CTNNA3: variants seen among roughly 807,000 people sequenced by gnomAD.
CTNNA3 encodes the protein catenin alpha-3.
A neutral mutation model predicts 95.7 loss-of-function variants in CTNNA3; 76 were observed. That is an observed-to-expected ratio of 0.79 (90% CI 0.66 to 0.96). The LOEUF is 0.96. CTNNA3 is among the 40% of genes least tolerant of loss of function. CTNNA3 has a pLI of 0.00. For missense variants in CTNNA3, 1,191 were observed against 1,089.8 expected (o/e 1.09, Z -1.31); for synonymous variants, 431 against 374.4 (o/e 1.15, Z -1.74).
At chr10:66,720,168 C>A (rs78683418) in intron 9 of CTNNA3, among the ~76,000 whole-genome samples, 12,348 of 151,808 alleles carry the variant, frequency 0.081, 559 homozygotes, top group Middle Eastern at 0.13. Context: ...CCTTCTCTCT[C>A]GTTATCTCAC....
chr10:67,615,494 T>C (rs1437651026), intron 2 of CTNNA3, among the ~76,000 whole-genome samples: 2 of 152,156 alleles, frequency 1.3e-5, no homozygotes, highest in Admixed American at 1.3e-4. Flanking sequence ...CCACTTACCA[T>C]CCAAAAACAA....
intron 12 of CTNNA3, among the ~76,000 whole-genome samples, chr10:66,308,211 C>A (rs1034946903): frequency 6.6e-6 from 1 of 152,070 alleles, no homozygotes; most frequent in Non-Finnish European, 1.5e-5. Context: ...AATAGCCAGG[C>A]CTTGAAGGTG....
intron 9 of CTNNA3, among the ~76,000 whole-genome samples, chr10:66,745,928 A>G (rs990775717): frequency 2.0e-5 from 3 of 152,096 alleles, no homozygotes; most frequent in Non-Finnish European, 4.4e-5. Flanking sequence ...AAGTGCTGAT[A>G]ACATAGCTGG....
intron 7 of CTNNA3, among the ~76,000 whole-genome samples, chr10:67,028,370 C>T (rs371118235): frequency 9.9e-5 from 15 of 152,086 alleles, no homozygotes; most frequent in African/African-American, 3.6e-4. Flanking sequence ...GAGTACCTAT[C>T]ATCCACAGCT....
chr10:66,230,434 T>G (rs2089529383), intron 13 of CTNNA3, among the ~76,000 whole-genome samples: 1 of 152,178 alleles, frequency 6.6e-6, no homozygotes, highest in Non-Finnish European at 1.5e-5. Context: ...TGTTGTATAT[T>G]ATCCATATGA....
chr10:67,701,622 G>C (rs2133603343), intron 1 of CTNNA3, among the ~76,000 whole-genome samples: 1 of 152,296 alleles, frequency 6.6e-6, no homozygotes, highest in East Asian at 1.9e-4. Context: ...GCTCCTGAAG[G>C]AAGCACTAAA....
chr10:67,730,565 G>T (rs1841268688), intron 1 of CTNNA3, among the ~76,000 whole-genome samples: 1 of 152,094 alleles, frequency 6.6e-6, no homozygotes, highest in African/African-American at 2.4e-5. Context: ...AGACATTACG[G>T]AAGAGAACTG....
At chr10:66,710,333 T>C (rs1848250710) in intron 9 of CTNNA3, among the ~76,000 whole-genome samples, 1 of 152,146 alleles carries the variant, frequency 6.6e-6, no homozygotes, top group Non-Finnish European at 1.5e-5. Flanking sequence ...CTATTTATAA[T>C]CATGAATGAA....
At chr10:66,236,195 TAA>T (rs1046482651) in intron 13 of CTNNA3, among the ~76,000 whole-genome samples, 3 of 152,158 alleles carry the variant, frequency 2.0e-5, no homozygotes, top group African/African-American at 7.2e-5. Flanking sequence ...CAAAGAAAGA[TAA>T]GTCAGAACTA....
intron 5 of CTNNA3, among the ~76,000 whole-genome samples, chr10:67,388,863 G>C (rs1156515756): frequency 6.6e-6 from 1 of 152,110 alleles, no homozygotes; most frequent in African/African-American, 2.4e-5. Flanking sequence ...CAAATGCTGA[G>C]AGATTTTGTC....
chr10:66,889,621 A>G (rs1475002171), intron 7 of CTNNA3, among the ~76,000 whole-genome samples: 1 of 152,218 alleles, frequency 6.6e-6, no homozygotes, highest in African/African-American at 2.4e-5. Context: ...TGCAAGAATA[A>G]GAAACAGCAA....
intron 5 of CTNNA3, among the ~76,000 whole-genome samples, chr10:67,429,673 C>G (rs1196113067): frequency 6.6e-6 from 1 of 151,906 alleles, no homozygotes; most frequent in East Asian, 1.9e-4. Context: ...CTTATTTTTG[C>G]CTGATCAATT....
At chr10:66,473,983 C>T (rs1340571064) in intron 11 of CTNNA3, among the ~76,000 whole-genome samples, 1 of 152,062 alleles carries the variant, frequency 6.6e-6, no homozygotes. Flanking sequence ...CATACGTGTA[C>T]ATGTGTCTTT....
At chr10:67,085,958 C>T (rs1218293396) in intron 7 of CTNNA3, among the ~76,000 whole-genome samples, 1 of 151,954 alleles carries the variant, frequency 6.6e-6, no homozygotes, top group African/African-American at 2.4e-5. Context: ...GAAGATCTTT[C>T]CCTCCACTCT....
At chr10:66,669,434 T>G (rs1291302375) in intron 9 of CTNNA3, among the ~76,000 whole-genome samples, 2 of 151,956 alleles carry the variant, frequency 1.3e-5, no homozygotes, top group Non-Finnish European at 2.9e-5. Context: ...TCCCAGCTAC[T>G]CTGGAGGCTG....
chr10:66,025,027 C>A (rs2079307559), intron 15 of CTNNA3, among the ~76,000 whole-genome samples: 2 of 152,180 alleles, frequency 1.3e-5, no homozygotes, highest in Admixed American at 6.5e-5. Flanking sequence ...GACAGCTTTG[C>A]ATCTATTTGA....
At chr10:67,122,508 G>T in intron 7 of CTNNA3, among the ~76,000 whole-genome samples, 1 of 152,062 alleles carries the variant, frequency 6.6e-6, no homozygotes, top group East Asian at 1.9e-4. Flanking sequence ...TGGGGCGGGG[G>T]AAGATGTGTC....
intron 12 of CTNNA3, among the ~76,000 whole-genome samples, chr10:66,336,574 C>T (rs897723880): frequency 6.6e-6 from 1 of 152,200 alleles, no homozygotes; most frequent in East Asian, 1.9e-4. Context: ...CCCAGTGGCC[C>T]ACAATAGTCT....
At chr10:67,516,828 T>A (rs1839832661) in intron 5 of CTNNA3, among the ~76,000 whole-genome samples, 1 of 152,200 alleles carries the variant, frequency 6.6e-6, no homozygotes, top group African/African-American at 2.4e-5. Flanking sequence ...ATTTTCAGAT[T>A]CCACATATAA....
Sources: allele counts gnomAD v4.1 joint callset (sites outside exome capture counted in the v4.1 genomes callset), GRCh38; gene constraint gnomAD v4.1.1; transcripts MANE v1.5; gene names NCBI Gene and HGNC (gene_info 2026-07-23, HGNC 2026-07-21).